WNT7B: variants seen among roughly 807,000 people sequenced by gnomAD.
WNT7B encodes the protein Wnt family member 7B.
In WNT7B, 19 loss-of-function variants were observed where a neutral mutation model predicts 38.2. The observed-to-expected ratio is 0.50, with a 90% CI of 0.35 to 0.73. The LOEUF is 0.73. Ranked by LOEUF, WNT7B falls within the 30% of genes least tolerant of loss-of-function variation. WNT7B has a pLI of 0.01. For synonymous variants in WNT7B, 243 were observed against 209.3 expected, an observed-to-expected ratio of 1.16 and a Z score of -1.39; for missense variants, 423 against 507.9, an observed-to-expected ratio of 0.83 and a Z score of 1.61.
At chr22:45,974,015 G>A (rs777287381) in intron 1 of WNT7B, among the ~76,000 whole-genome samples, 13 of 152,174 alleles carry the variant, frequency 8.5e-5, no homozygotes, top group Non-Finnish European at 1.9e-4. Flanking sequence ...CTCCTGGGAT[G>A]CAGATGCCCT....
intron 3 of WNT7B, among the ~76,000 whole-genome samples, chr22:45,930,855 G>A (rs939353544): frequency 2.6e-5 from 4 of 152,186 alleles, no homozygotes; most frequent in Non-Finnish European, 5.9e-5. Context: ...CATCTTCCCT[G>A]GGGGCCGTGA....
intron 3 of WNT7B, chr22:45,927,373 C>T: frequency 4.7e-6 from 7 of 1,497,508 alleles, no homozygotes; most frequent in Non-Finnish European, 6.2e-6. Context: ...CGGGGGCGGG[C>T]CTCCAGACTC....
At position 45,951,664 on chromosome 22, in the gene WNT7B, T is replaced by C. The variant is rs10448595; in HGVS notation, c.72-1518A>G. Among the ~76,000 whole-genome samples, 73,041 of 152,028 alleles carry C rather than the reference T, an allele frequency of 0.48. 18,312 individuals are homozygous for C. The highest frequency in any genetic ancestry group is 0.61 in the African/African-American group (25,124 of 41,446). On this transcript the variant is annotated intron_variant, in intron 1 of 3. Transcript: ENST00000339464. This position sits in a 1 kb window ranked among gnomAD's most constrained non-coding sequence, Gnocchi z 4.8. ...TGTGTGACCTTTGGCGTCTGGCTTC[T>C]TTCACTTAGCGTCGTGTTTTCAAGG... is the stretch of plus-strand genomic sequence containing the variant.
intron 1 of WNT7B, chr22:45,954,891 A>G: frequency 2.3e-6 from 1 of 442,740 alleles, no homozygotes; most frequent in Non-Finnish European, 3.0e-6. Context: ...CTCATTTTGC[A>G]GGTGTGCAGA....
In WNT7B at chr22:45,975,914, C is replaced by T. The variant is rs956317512; in HGVS notation, c.71+770G>A. 2 of 179,198 alleles carry T rather than the reference C, an allele frequency of 1.1e-5. No homozygotes were observed. The highest frequency in any genetic ancestry group is 4.7e-5 in the African/African-American group (2 of 42,268). 11.1% of individuals were successfully genotyped at this position (179,198 alleles called of 1,614,324 possible). ...CTGTCTAAAGGAGATCGCGGCTCAA[C>T]AGGTAAGGACTCGGCTGGGTTCAGG... On this transcript the variant is annotated intron_variant, in intron 1 of 3. Coordinates refer to ENST00000339464, the MANE Select transcript of WNT7B (RefSeq NM_058238.3). This position sits in a 1 kb window ranked among gnomAD's most constrained non-coding sequence, Gnocchi z 6.6.
intron 2 of WNT7B, among the ~76,000 whole-genome samples, chr22:45,945,885 C>A (rs1177078530): frequency 6.6e-6 from 1 of 152,250 alleles, no homozygotes; most frequent in African/African-American, 2.4e-5. Context: ...GTGCTGGTGT[C>A]CCGGGCCGCT....
At chr22:45,971,498 G>A (rs1303646570) in intron 1 of WNT7B, among the ~76,000 whole-genome samples, 1 of 152,162 alleles carries the variant, frequency 6.6e-6, no homozygotes, top group Non-Finnish European at 1.5e-5. Flanking sequence ...ACACACGCGC[G>A]CCCACGCTCC....
rs112369946 is a variant in WNT7B, at chr22:45,929,475, T to TCCATCCACCCATCTGTACATCCAC, written c.570+1622_570+1623insGTGGATGTACAGATGGGTGGATGG. Among the ~76,000 whole-genome samples, 45 of 142,190 alleles carry TCCATCCACCCATCTGTACATCCAC rather than the reference T, an allele frequency of 3.2e-4. No individual in the cohort carries two copies. The South Asian group carries it at 5.2e-3, about 16-fold the overall frequency. The allele number at this position is 142,190 out of a possible 152,430, so 93.3% of individuals were successfully genotyped here. ...TTTGATTCGTCCATCTACTTATCCTTCCATCTGTACATCCACCCACCCACC... is the reference window on the plus strand; with the variant it reads ...TTTGATTCGTCCATCTACTTATCCTTCCATCCACCCATCTGTACATCCACCCATCTGTACATCCACCCACCCACC... On this transcript the variant is annotated intron_variant, in intron 3 of 3. Transcript: ENST00000339464.
intron 1 of WNT7B, chr22:45,972,116 G>GGGGGGGGGGGGGGGCCCC: frequency 1.9e-6 from 1 of 530,746 alleles, no homozygotes. Flanking sequence ...CCCGGGGGGA[G>GGGGGGGGGGGGGGGCCCC]CCCACCCGCC....
At chr22:45,969,310 G>A (rs1453755299) in intron 1 of WNT7B, among the ~76,000 whole-genome samples, 1 of 152,236 alleles carries the variant, frequency 6.6e-6, no homozygotes, top group Non-Finnish European at 1.5e-5. Flanking sequence ...CCTACCGGAA[G>A]ACCTGGGGGG....
intron 3 of WNT7B, among the ~76,000 whole-genome samples, chr22:45,929,703 TCCATCCACCCGTGAATCCACTCAC>T (rs1011197548): frequency 4.8e-5 from 5 of 104,040 alleles, no homozygotes; most frequent in Non-Finnish European, 4.1e-5. Flanking sequence ...CACCCATCTT[TCCATCCACCCGTGAATCCACTCAC>T]CCATCCACCC....
At chr22:45,935,670 T>C (rs1264450657) in intron 2 of WNT7B, among the ~76,000 whole-genome samples, 1 of 152,142 alleles carries the variant, frequency 6.6e-6, no homozygotes, top group Non-Finnish European at 1.5e-5. Flanking sequence ...CACCCATCGC[T>C]GTTTCCCAAA....
intron 3 of WNT7B, among the ~76,000 whole-genome samples, chr22:45,930,002 A>C (rs368130763): frequency 3.3e-5 from 5 of 152,258 alleles, no homozygotes; most frequent in African/African-American, 1.2e-4. Context: ...AACCACCTGC[A>C]TGATAACCTC....
At position 45,975,508 on chromosome 22, in the gene WNT7B, C is replaced by T. The variant is rs111807507; in HGVS notation, c.71+1176G>A. ...CCAGTCCTGCCTCTGAAGCCACTGG[C>T]TTTGTCTCTGCAGGCCTTGGGCCTC... On this transcript the variant is annotated intron_variant, in intron 1 of 3. Transcript: ENST00000339464. This position sits in a 1 kb window ranked among gnomAD's most constrained non-coding sequence, Gnocchi z 6.6. 3,173 of 715,624 alleles carry T rather than the reference C, an allele frequency of 4.4e-3. 69 individuals are homozygous for T. In the African/African-American group the frequency reaches 0.048, roughly 11 times the overall value. 44.3% of individuals were successfully genotyped at this position (715,624 alleles called of 1,614,324 possible). A position where few individuals can be genotyped will look rare whatever the true frequency, so the allele number is the denominator to read the frequency against.
chr22:45,948,135 A>C (rs898763515), intron 2 of WNT7B, among the ~76,000 whole-genome samples: 1 of 152,176 alleles, frequency 6.6e-6, no homozygotes, highest in African/African-American at 2.4e-5. Flanking sequence ...GCTCAGCTCC[A>C]CCACAACTCC....
At chr22:45,959,806 C>T (rs143993237) in intron 1 of WNT7B, among the ~76,000 whole-genome samples, 147 of 152,264 alleles carry the variant, frequency 9.7e-4, no homozygotes, top group African/African-American at 3.2e-3. Context: ...CCCCCTACCC[C>T]GCCACTGAAA....
At chr22:45,948,257 C>T (rs1035341346) in intron 2 of WNT7B, among the ~76,000 whole-genome samples, 1 of 152,220 alleles carries the variant, frequency 6.6e-6, no homozygotes, top group Non-Finnish European at 1.5e-5. Flanking sequence ...GCACTCGTGC[C>T]GACGCCCTCC....
At chr22:45,936,955 C>A (rs1049288605) in intron 2 of WNT7B, among the ~76,000 whole-genome samples, 1 of 152,224 alleles carries the variant, frequency 6.6e-6, no homozygotes, top group African/African-American at 2.4e-5. Flanking sequence ...AGCTCCCTGC[C>A]ACTTCCTAGC....
chr22:45,974,980 A>G (rs1365880687), intron 1 of WNT7B, among the ~76,000 whole-genome samples: 1 of 151,968 alleles, frequency 6.6e-6, no homozygotes, highest in Non-Finnish European at 1.5e-5. Flanking sequence ...AGGTCTTCCC[A>G]CCCACTCACT....
Sources: allele counts gnomAD v4.1 joint callset (sites outside exome capture counted in the v4.1 genomes callset), GRCh38; gene constraint gnomAD v4.1.1; non-coding constraint Gnocchi (gnomAD v3.1); transcripts MANE v1.5; gene names NCBI Gene and HGNC (gene_info 2026-07-23, HGNC 2026-07-21).